GTF2IRD2B: variants seen among roughly 807,000 people sequenced by gnomAD.
GTF2IRD2B encodes general transcription factor II-I repeat domain-containing protein 2B.
A neutral mutation model predicts 55.6 loss-of-function variants in GTF2IRD2B; 10 were observed. That is an observed-to-expected ratio of 0.18 (90% CI 0.11 to 0.31). The LOEUF (loss-of-function observed/expected upper bound fraction) is 0.31, where lower values mean the gene tolerates loss of function less well. Among genes scored for constraint, GTF2IRD2B ranks in the 10% least tolerant of loss-of-function variants. The pLI, the probability that GTF2IRD2B is intolerant of heterozygous loss-of-function variation, is 1.00. For synonymous variants in GTF2IRD2B, 107 were observed against 320.5 expected, an observed-to-expected ratio of 0.33 and a Z score of 7.12; for missense variants, 206 against 802.7, an observed-to-expected ratio of 0.26 and a Z score of 8.98.
intron 9 of GTF2IRD2B, among the ~76,000 whole-genome samples, chr7:75,133,638 G>A (rs587594514): frequency 1.5e-3 from 221 of 149,036 alleles, no homozygotes; most frequent in Non-Finnish European, 2.8e-3. Context: ...TGCCTCCTGG[G>A]TTCAAATGAT....
intron 10 of GTF2IRD2B, among the ~76,000 whole-genome samples, chr7:75,135,426 G>A (rs1808809671): frequency 6.6e-6 from 1 of 151,270 alleles, no homozygotes; most frequent in Non-Finnish European, 1.5e-5. Context: ...AAGCCACCAT[G>A]CCCAGCTGAA....
chr7:75,105,069 C>CCT (rs1563090460), intron 1 of GTF2IRD2B, among the ~76,000 whole-genome samples: 531 of 152,352 alleles, frequency 3.5e-3, no homozygotes, highest in Non-Finnish European at 6.3e-3. Context: ...TGGTGGCATG[C>CCT]ACCTGTAGTC....
At position 75,123,746 on chromosome 7, in the gene GTF2IRD2B, C is replaced by T. The variant is rs1319984562; in HGVS notation, c.571+230C>T. The stretch of plus-strand genomic sequence containing the variant: ...AAAAAAAATTAGCCGGGCGTGGTGG[C>T]GGGCGCCTGTAGTCCCAGCTACTCG... On this transcript the variant is annotated intron_variant, in intron 6 of 15. Coordinates refer to ENST00000472837, the MANE Select transcript of GTF2IRD2B (RefSeq NM_001003795.3). 24 of 664,294 alleles carry T rather than the reference C, an allele frequency of 3.6e-5. No homozygotes were observed. The Admixed American group carries it at 4.5e-4, about 12-fold the overall frequency. The allele number at this position is 664,294 out of a possible 1,614,324, so 41.1% of individuals were successfully genotyped here.
At chr7:75,114,794 T>G (rs1808087040) in intron 3 of GTF2IRD2B, among the ~76,000 whole-genome samples, 1 of 149,306 alleles carries the variant, frequency 6.7e-6, no homozygotes, top group Admixed American at 6.7e-5. Context: ...CGCAGGTTTT[T>G]CGTTTTTGTT....
At position 75,145,604 on chromosome 7, in the gene GTF2IRD2B, G is replaced by A. The variant is rs587737271; in HGVS notation, c.1246+1626G>A. 6.5e-4 allele frequency among the ~76,000 whole-genome samples: 95 copies of A among 147,202 alleles called. 1 individual carries two copies. Among genetic ancestry groups the A allele is most frequent in the Admixed American group, 2.2e-3 (33 of 14,708 alleles). ...AAAAATTAGCCGGGCATGGTGGCGC[G>A]TGCCTATAATCCCAGCTACTCGGGA... On this transcript the variant is annotated intron_variant, in intron 15 of 15. Coordinates refer to ENST00000472837, the MANE Select transcript of GTF2IRD2B (RefSeq NM_001003795.3).
At chr7:75,101,613 G>C (rs1157023938) in intron 1 of GTF2IRD2B, among the ~76,000 whole-genome samples, 1 of 150,168 alleles carries the variant, frequency 6.7e-6, no homozygotes, top group Non-Finnish European at 1.5e-5. Context: ...AAAAATAGGG[G>C]TGGGCATAGT....
At chr7:75,130,098 TTTC>T (rs1301437504) in intron 8 of GTF2IRD2B, among the ~76,000 whole-genome samples, 1 of 96,602 alleles carries the variant, frequency 1.0e-5, no homozygotes, top group African/African-American at 3.7e-5. Flanking sequence ...TTTCTCTTTC[TTTC>T]TTTCTTTCTT....
At chr7:75,116,230 T>C (rs1808149354) in intron 3 of GTF2IRD2B, among the ~76,000 whole-genome samples, 1 of 136,096 alleles carries the variant, frequency 7.3e-6, no homozygotes, top group African/African-American at 2.7e-5. Flanking sequence ...GCCCAGCCTG[T>C]CTTCTTTAAT....
At chr7:75,130,177 CTT>C in intron 8 of GTF2IRD2B, among the ~76,000 whole-genome samples, 1 of 90,464 alleles carries the variant, frequency 1.1e-5, no homozygotes, top group Non-Finnish European at 2.3e-5. Flanking sequence ...TTCTTTCTTT[CTT>C]TCTCTCCTTC....
intron 1 of GTF2IRD2B, among the ~76,000 whole-genome samples, chr7:75,096,433 T>G (rs1807380328): frequency 2.5e-5 from 1 of 39,746 alleles, no homozygotes; most frequent in South Asian, 7.4e-4. Context: ...TTTTTTTTTT[T>G]TTTTTTGAGA....
intron 15 of GTF2IRD2B, chr7:75,146,993 G>A (rs1809164359): frequency 6.4e-6 from 1 of 157,474 alleles, no homozygotes; most frequent in Non-Finnish European, 1.4e-5. Flanking sequence ...AGATAGCTCG[G>A]TGTGGTGCAT....
At chr7:75,115,511 C>T (rs1808117213) in intron 3 of GTF2IRD2B, among the ~76,000 whole-genome samples, 1 of 144,590 alleles carries the variant, frequency 6.9e-6, no homozygotes, top group East Asian at 2.0e-4. Flanking sequence ...ACAACCTCTG[C>T]CTCCTCGGTT....
Position 75,148,458 on chromosome 7 carries a change from A to G in GTF2IRD2B, c.2011A>G (p.Met671Val). Residue 671 changes from methionine to valine, a missense_variant, in exon 16 of 16, where the codon ATG (methionine) becomes GTG (valine). Met to Val is a conservative substitution (Grantham distance 21). Transcript: ENST00000472837. ...TCAGAAGTTGAAGATGGACCACGTCATGGACGTGGTAGTGAAGTCCGTGAA... is the reference window on the plus strand; with the variant it reads ...TCAGAAGTTGAAGATGGACCACGTCGTGGACGTGGTAGTGAAGTCCGTGAA... ...CAQKLKMDHV[M>V]DVVVKSVNWI... 10 of 1,608,962 alleles carry G rather than the reference A, an allele frequency of 6.2e-6. No homozygotes were observed. Among genetic ancestry groups the G allele is most frequent in the Non-Finnish European group, 6.8e-6 (8 of 1,176,696 alleles).
chr7:75,097,073 A>G (rs1240976335), intron 1 of GTF2IRD2B, among the ~76,000 whole-genome samples: 1 of 50,838 alleles, frequency 2.0e-5, no homozygotes, highest in Non-Finnish European at 3.7e-5. Context: ...GGATCACTTA[A>G]GCTTGGGAGT....
At chr7:75,101,431 G>A (rs2115675512) in intron 1 of GTF2IRD2B, among the ~76,000 whole-genome samples, 1 of 150,878 alleles carries the variant, frequency 6.6e-6, no homozygotes, top group East Asian at 1.9e-4. Flanking sequence ...TGAGTGTCGT[G>A]GCACATGCCT....
intron 3 of GTF2IRD2B, among the ~76,000 whole-genome samples, chr7:75,114,559 A>G: frequency 6.6e-6 from 1 of 150,938 alleles, no homozygotes. Flanking sequence ...CCCGTAGTTC[A>G]TTTTGCAACC....
intron 8 of GTF2IRD2B, among the ~76,000 whole-genome samples, chr7:75,127,515 G>A (rs1554452606): frequency 6.7e-6 from 1 of 148,878 alleles, no homozygotes; most frequent in African/African-American, 2.4e-5. Flanking sequence ...GAGAGAGGGA[G>A]CCTTCTAATT....
chr7:75,130,093 CTTT>C (rs1278356171), intron 8 of GTF2IRD2B, among the ~76,000 whole-genome samples: 2 of 59,624 alleles, frequency 3.4e-5, no homozygotes, highest in Non-Finnish European at 7.4e-5. Flanking sequence ...TTTATTTTCT[CTTT>C]CTTTCTTTCT....
At position 75,148,203 on chromosome 7, in the gene GTF2IRD2B, A is replaced by G. The variant is rs782558756; in HGVS notation, c.1756A>G (p.Met586Val). The change falls in exon 16 of 16, where the codon ATG becomes GTG. Residue 586 changes from methionine (M) to valine (V), a missense_variant. Coordinates refer to ENST00000472837, the MANE Select transcript of GTF2IRD2B (RefSeq NM_001003795.3). ...CGAAGAACTTCTGGACACGGTGCCC[A>G]TGACGGGTACAAAATCTGGCAACGA... ...VSEELLDTVP[M>V]TGTKSGNEIF... The G allele has an allele frequency of 1.2e-6, 2 of 1,613,900 alleles. No homozygotes were observed. Among genetic ancestry groups the G allele is most frequent in the Non-Finnish European group, 1.7e-6 (2 of 1,179,866 alleles).
Sources: allele counts gnomAD v4.1 joint callset (sites outside exome capture counted in the v4.1 genomes callset), GRCh38; gene constraint gnomAD v4.1.1; transcripts MANE v1.5; gene names NCBI Gene and HGNC (gene_info 2026-07-23, HGNC 2026-07-21).